The following TCF4 variants were observed in gnomAD, a reference collection of about 807,000 sequenced individuals.
TCF4 encodes the protein transcription factor 4, also known as SL3-3 enhancer factor 2.
Under a neutral mutation model 82.1 loss-of-function variants are expected in TCF4, and 3 were observed. That is an observed-to-expected ratio of 0.04 (90% CI 0.02 to 0.09). TCF4 has a LOEUF of 0.09. Ranked by LOEUF, TCF4 falls within the 10% of genes least tolerant of loss-of-function variation. The probability of loss-of-function intolerance (pLI) is 1.00; values close to 1 mark genes in which losing one functional copy is unlikely to be tolerated. For missense variants in TCF4, 518 were observed against 852.7 expected (o/e 0.61, Z 4.89); for synonymous variants, 276 against 309.6 (o/e 0.89, Z 1.14).
intron 3 of TCF4, among the ~76,000 whole-genome samples, chr18:55,549,133 A>G (rs1244829794): frequency 6.6e-6 from 1 of 152,080 alleles, no homozygotes; most frequent in Non-Finnish European, 1.5e-5. Context: ...AAACCCCGTC[A>G]CCACAAAAAA....
rs151028132 is a variant in TCF4, at chr18:55,319,609, G to A, written c.549+30750C>T. Among the ~76,000 whole-genome samples the A allele has an allele frequency of 3.3e-5, 5 of 151,650 alleles. No homozygotes were observed. The East Asian group carries it at 9.7e-4, about 29-fold the overall frequency. On this transcript the variant is annotated intron_variant, in intron 8 of 19. Coordinates refer to ENST00000354452, the MANE Select transcript of TCF4 (RefSeq NM_001083962.2). ...ATCACCAGATTTGTTTTTAATAAAC[G>A]CCTTAAAACAGTTCCTATAAATACA...
intron 6 of TCF4, among the ~76,000 whole-genome samples, chr18:55,363,532 A>G (rs67800840): frequency 0.084 from 12,803 of 152,214 alleles, 743 homozygotes; most frequent in South Asian, 0.18. Flanking sequence ...AGCTGGGCGT[A>G]GTAGCTCATG....
At chr18:55,478,110 G>A (rs1483472143) in intron 3 of TCF4, among the ~76,000 whole-genome samples, 1 of 152,238 alleles carries the variant, frequency 6.6e-6, no homozygotes, top group Non-Finnish European at 1.5e-5. Flanking sequence ...AAGCAGGGAA[G>A]GGGTTCCGGG....
chr18:55,434,842 G>C (rs939561116), intron 5 of TCF4, among the ~76,000 whole-genome samples: 1 of 149,772 alleles, frequency 6.7e-6, no homozygotes, highest in African/African-American at 2.5e-5. Flanking sequence ...TGAGGTATAT[G>C]AGATATTTTC....
chr18:55,247,887 A>G (rs1010636974), intron 15 of TCF4, among the ~76,000 whole-genome samples: 4 of 152,186 alleles, frequency 2.6e-5, no homozygotes, highest in African/African-American at 7.2e-5. Context: ...AAAAAAGCAA[A>G]TTTGGGCTGG....
intron 3 of TCF4, among the ~76,000 whole-genome samples, chr18:55,513,713 T>A (rs988861672): frequency 6.6e-6 from 1 of 151,954 alleles, no homozygotes; most frequent in Non-Finnish European, 1.5e-5. Context: ...TTCTCATATT[T>A]AAAAAAAAGC....
At chr18:55,422,316 C>A in intron 5 of TCF4, 2 of 985,076 alleles carry the variant, frequency 2.0e-6, no homozygotes, top group Non-Finnish European at 2.4e-6. Context: ...GAGGACAGAA[C>A]ACAACATGCT....
chr18:55,426,149 G>A (rs372122217), intron 5 of TCF4, among the ~76,000 whole-genome samples: 5 of 147,244 alleles, frequency 3.4e-5, no homozygotes, highest in South Asian at 2.1e-4. Flanking sequence ...ATTTTCATAC[G>A]TGTCTTTTAT....
chr18:55,274,018 CTCT>C lies in TCF4; in HGVS notation c.789+1598_789+1600del, dbSNP rs528734899. On this transcript the variant is annotated intron_variant, in intron 10 of 19. Transcript: ENST00000354452. Reference sequence around the variant, plus strand: ...AGAAAAATTAATGTCAAATGGGCAACTCTTAAAAGAACTGAAATTCCAACATGC... The same window carrying C: ...AGAAAAATTAATGTCAAATGGGCAACTAAAAGAACTGAAATTCCAACATGC... Among the ~76,000 whole-genome samples the C allele has an allele frequency of 8.5e-4, 130 of 152,218 alleles. No homozygotes were observed. In the Middle Eastern group the frequency reaches 0.024, roughly 28 times the overall value.
At chr18:55,548,481 T>C (rs1186671979) in intron 3 of TCF4, among the ~76,000 whole-genome samples, 2 of 152,234 alleles carry the variant, frequency 1.3e-5, no homozygotes, top group Non-Finnish European at 2.9e-5. Context: ...ACCTCAAGGA[T>C]ATCTTTTTTT....
At chr18:55,340,741 C>T (rs898645393) in intron 8 of TCF4, among the ~76,000 whole-genome samples, 1 of 152,102 alleles carries the variant, frequency 6.6e-6, no homozygotes, top group African/African-American at 2.4e-5. Flanking sequence ...ATTTGTTTCT[C>T]AAATGCCAAA....
rs550568389 is a variant in TCF4, at chr18:55,343,419, A to G, written c.549+6940T>C. On this transcript the variant is annotated intron_variant, in intron 8 of 19. Transcript: ENST00000354452. The stretch of plus-strand genomic sequence containing the variant: ...AGTAAGCACTTATATATCAAGTTTC[A>G]TCCCTAGTGGCTTATTTATGATTAA... Among the ~76,000 whole-genome samples, 22 of 152,282 alleles carry G rather than the reference A, an allele frequency of 1.4e-4. 1 individual carries two copies. The South Asian group carries it at 4.6e-3, about 32-fold the overall frequency.
At chr18:55,290,684 C>A (rs1011361170) in intron 8 of TCF4, among the ~76,000 whole-genome samples, 1 of 152,066 alleles carries the variant, frequency 6.6e-6, no homozygotes, top group Admixed American at 6.6e-5. Flanking sequence ...ACCTAATAAG[C>A]ACAGACAGCC....
At chr18:55,276,179 GTAT>G (rs1462627553) in intron 9 of TCF4, among the ~76,000 whole-genome samples, 1 of 151,968 alleles carries the variant, frequency 6.6e-6, no homozygotes, top group Admixed American at 6.6e-5. Flanking sequence ...ATGTAAAGAA[GTAT>G]TAATTTTAAA....
At chr18:55,382,044 A>G (rs1216792004) in intron 6 of TCF4, among the ~76,000 whole-genome samples, 1 of 152,132 alleles carries the variant, frequency 6.6e-6, no homozygotes, top group Non-Finnish European at 1.5e-5. Flanking sequence ...GATATCTGAC[A>G]TTTTGGATAC....
At chr18:55,413,368 T>C (rs925520039) in intron 5 of TCF4, among the ~76,000 whole-genome samples, 6 of 152,276 alleles carry the variant, frequency 3.9e-5, no homozygotes, top group East Asian at 1.9e-4. Context: ...CAGCCCAGAA[T>C]TGAAAACACA....
chr18:55,307,614 G>A (rs1284381846), intron 8 of TCF4, among the ~76,000 whole-genome samples: 1 of 152,190 alleles, frequency 6.6e-6, no homozygotes, highest in African/African-American at 2.4e-5. Flanking sequence ...AAATGCAATA[G>A]TTAGCTCTAT....
chr18:55,447,548 T>C (rs1257789715), intron 5 of TCF4, among the ~76,000 whole-genome samples: 1 of 152,164 alleles, frequency 6.6e-6, no homozygotes, highest in African/African-American at 2.4e-5. Flanking sequence ...GCTGGGTGAA[T>C]GACTGTACGA....
intron 5 of TCF4, among the ~76,000 whole-genome samples, chr18:55,424,937 G>A (rs934905158): frequency 2.0e-5 from 3 of 152,150 alleles, no homozygotes; most frequent in Non-Finnish European, 2.9e-5. Context: ...AAGGAGTTTA[G>A]GAAAGCACTC....
Sources: allele counts gnomAD v4.1 joint callset (sites outside exome capture counted in the v4.1 genomes callset), GRCh38; gene constraint gnomAD v4.1.1; transcripts MANE v1.5; gene names NCBI Gene and HGNC (gene_info 2026-07-23, HGNC 2026-07-21).